Variants in PAPPA2 observed in about 807,000 individuals in gnomAD.
PAPPA2 encodes pappalysin-2.
Under a neutral mutation model 176.4 loss-of-function variants are expected in PAPPA2, and 86 were observed. That is an observed-to-expected ratio of 0.49 (90% confidence interval 0.41 to 0.58). The LOEUF (loss-of-function observed/expected upper bound fraction) is 0.58, where lower values mean the gene tolerates loss of function less well. Among genes scored for constraint, PAPPA2 ranks in the 20% least tolerant of loss-of-function variants. PAPPA2 has a pLI of 0.00. For missense variants in PAPPA2, 2,073 were observed against 2,256.9 expected (o/e 0.92, Z 1.65); for synonymous variants, 809 against 852.2 (o/e 0.95, Z 0.88).
chr1:176,465,309 A>G (rs1479151276), intron 1 of PAPPA2, among the ~76,000 whole-genome samples: 2 of 152,220 alleles, frequency 1.3e-5, no homozygotes, highest in Non-Finnish European at 2.9e-5. Flanking sequence ...GAGGCATGAC[A>G]CACATGCAAA....
intron 3 of PAPPA2, among the ~76,000 whole-genome samples, chr1:176,659,169 A>G (rs1055635263): frequency 5.3e-5 from 8 of 151,994 alleles, no homozygotes; most frequent in African/African-American, 1.9e-4. Context: ...CATGAGGGCT[A>G]TATTAGTTTC....
At position 176,595,453 on chromosome 1, in the gene PAPPA2, C is replaced by T. The variant is rs761050456; in HGVS notation, c.1849C>T (p.Arg617Cys). Residue 617 changes from arginine (R) to cysteine (C), a missense_variant, in exon 3 of 23, where the codon CGC (arginine) becomes TGC (cysteine). Arg to Cys is a radical substitution (Grantham distance 180). Around this residue, in one of 4 missense-constraint regions of PAPPA2, gnomAD observed 1,196 missense variants for 1,330.4 expected, o/e 0.90. Transcript: ENST00000367662. Reference protein sequence around the residue: ...YDGGDCRLQGRCYSWNRRDGL... With the variant: ...YDGGDCRLQGCCYSWNRRDGL... The stretch of plus-strand genomic sequence containing the variant: ...TGGGGGTGACTGCCGCCTGCAGGGC[C>T]GCTGCTACTCCTGGAACCGCAGGGA... 1.1e-5 allele frequency: 17 copies of T among 1,614,060 alleles called. No homozygotes were observed. The highest frequency in any genetic ancestry group is 4.5e-5 in the East Asian group (2 of 44,878).
At chr1:176,469,379 C>A (rs1651771741) in intron 1 of PAPPA2, among the ~76,000 whole-genome samples, 1 of 152,040 alleles carries the variant, frequency 6.6e-6, no homozygotes, top group African/African-American at 2.4e-5. Context: ...GGTGGGGTGC[C>A]ACTGAACATG....
chr1:176,689,586 C>A (rs1660006222), intron 4 of PAPPA2, among the ~76,000 whole-genome samples: 1 of 152,202 alleles, frequency 6.6e-6, no homozygotes, highest in African/African-American at 2.4e-5. Context: ...GTGTTATCAT[C>A]CCCACTTTAC....
intron 1 of PAPPA2, among the ~76,000 whole-genome samples, chr1:176,485,193 T>G (rs1652591102): frequency 6.6e-6 from 1 of 152,194 alleles, no homozygotes; most frequent in African/African-American, 2.4e-5. Flanking sequence ...CTTGTAAAAA[T>G]ATAAGATAGA....
intron 3 of PAPPA2, among the ~76,000 whole-genome samples, chr1:176,658,892 AAG>A (rs1181881996): frequency 6.6e-6 from 1 of 152,050 alleles, no homozygotes; most frequent in East Asian, 1.9e-4. Context: ...GAAAAATAAG[AAG>A]AGATTATAGA....
At chr1:176,696,530 A>C (rs1018356837) in intron 7 of PAPPA2, among the ~76,000 whole-genome samples, 4 of 152,130 alleles carry the variant, frequency 2.6e-5, no homozygotes, top group African/African-American at 9.7e-5. Context: ...TAACTTTTCA[A>C]ACAGTCACAC....
rs111562540 is a variant in PAPPA2, at chr1:176,547,364, A to G, written c.-916-8043A>G. ...CAATTCAGTTAAGTAAGTTGTGGTT[A>G]ATTACACTACTGTTCCCAATAATTT... is the stretch of plus-strand genomic sequence containing the variant. On this transcript the variant is annotated intron_variant, in intron 1 of 22. Coordinates refer to ENST00000367662, the MANE Select transcript of PAPPA2 (RefSeq NM_020318.3). Among the ~76,000 whole-genome samples the G allele has an allele frequency of 3.0e-3, 453 of 152,300 alleles. 2 individuals carry two copies. Among genetic ancestry groups the G allele is most frequent in the African/African-American group, 0.01 (420 of 41,556 alleles).
At chr1:176,832,905 A>G (rs1288791829) in intron 21 of PAPPA2, among the ~76,000 whole-genome samples, 1 of 152,000 alleles carries the variant, frequency 6.6e-6, no homozygotes, top group Non-Finnish European at 1.5e-5. Context: ...AGATAAGCTG[A>G]TTATAATCAG....
chr1:176,814,443 G>C (rs970619794), intron 21 of PAPPA2, among the ~76,000 whole-genome samples: 1 of 152,066 alleles, frequency 6.6e-6, no homozygotes, highest in Non-Finnish European at 1.5e-5. Flanking sequence ...ATTTGTTTGT[G>C]TCCTCTCTGA....
chr1:176,820,414 G>A lies in PAPPA2; in HGVS notation c.5203-19759G>A, dbSNP rs555138078. On this transcript the variant is annotated intron_variant, in intron 21 of 22. Coordinates refer to ENST00000367662, the MANE Select transcript of PAPPA2 (RefSeq NM_020318.3). ...ATACTTTGCAAGAATAAATTGGCTGGAGATCTAACCCATGGTGAGAGGCCG... is the reference window on the plus strand; with the variant it reads ...ATACTTTGCAAGAATAAATTGGCTGAAGATCTAACCCATGGTGAGAGGCCG... Among the ~76,000 whole-genome samples, 10 of 152,278 alleles carry A rather than the reference G, an allele frequency of 6.6e-5. No homozygotes were observed. In the South Asian group the frequency reaches 1.9e-3, roughly 28 times the overall value.
At chr1:176,756,407 G>A (rs1026217475) in intron 14 of PAPPA2, among the ~76,000 whole-genome samples, 6 of 152,080 alleles carry the variant, frequency 3.9e-5, no homozygotes, top group Non-Finnish European at 8.8e-5. Context: ...GTATGTAGGC[G>A]GACTGGCAAA....
chr1:176,467,741 G>C (rs1020713523), intron 1 of PAPPA2, among the ~76,000 whole-genome samples: 2 of 152,196 alleles, frequency 1.3e-5, no homozygotes, highest in African/African-American at 4.8e-5. Flanking sequence ...GGGGAGCTAG[G>C]TTTGGCACTT....
chr1:176,650,028 CT>C (rs1197108990), intron 3 of PAPPA2, among the ~76,000 whole-genome samples: 1 of 151,546 alleles, frequency 6.6e-6, no homozygotes, highest in Non-Finnish European at 1.5e-5. Context: ...GTATTGCAGT[CT>C]TTCTCTTTAC....
intron 3 of PAPPA2, among the ~76,000 whole-genome samples, chr1:176,647,293 G>A (rs61822983): frequency 6.6e-6 from 1 of 151,218 alleles, no homozygotes; most frequent in Admixed American, 6.6e-5. Context: ...TTTGAGCTCC[G>A]TATATATTCT....
intron 10 of PAPPA2, among the ~76,000 whole-genome samples, chr1:176,708,705 A>T (rs533624602): frequency 6.6e-6 from 1 of 152,262 alleles, no homozygotes; most frequent in South Asian, 2.1e-4. Flanking sequence ...GCAAGTAGAG[A>T]TAGATTTACC....
chr1:176,482,022 G>A (rs1652427414), intron 1 of PAPPA2, among the ~76,000 whole-genome samples: 3 of 152,098 alleles, frequency 2.0e-5, no homozygotes, highest in African/African-American at 2.4e-5. Flanking sequence ...AAGAATAGAT[G>A]CATTTAAAAG....
chr1:176,493,927 A>G (rs951434309), intron 1 of PAPPA2, among the ~76,000 whole-genome samples: 1 of 152,184 alleles, frequency 6.6e-6, no homozygotes, highest in South Asian at 2.1e-4. Context: ...TTTTTGGATT[A>G]TTGGCCTGGC....
chr1:176,595,023 G>C lies in PAPPA2; in HGVS notation c.1419G>C (p.Glu473Asp). ...VNTEWVPFRD[E>D]KYPRLEVLQG... ...CAGAGTGGGTTCCCTTTAGAGATGA[G>C]AAGTACCCACGACTTGAGGTTCTCC... Residue 473 changes from glutamate to aspartate, a missense_variant, in exon 3 of 23, where the codon GAG becomes GAC. By Grantham distance (45) the Glu-to-Asp change is conservative. This residue lies in a region of PAPPA2 where 1,196 missense variants were observed against 1,330.4 expected (regional missense o/e 0.90). Transcript: ENST00000367662. The C allele has an allele frequency of 6.2e-7, 1 of 1,614,192 alleles. No individual in the cohort carries two copies. Among genetic ancestry groups the C allele is most frequent in the Non-Finnish European group, 8.5e-7 (1 of 1,180,042 alleles).
Sources: gnomAD v4.1 joint callset for allele counts (sites outside exome capture counted in the v4.1 genomes callset) on GRCh38, gnomAD v4.1.1 for gene constraint, gnomAD v4.1.1 regional missense constraint, MANE v1.5 for transcripts, NCBI Gene and HGNC (gene_info 2026-07-23, HGNC 2026-07-21) for gene names.